Variants in HOXB3 observed in about 807,000 individuals in gnomAD.
The protein encoded by HOXB3 is homeobox protein Hox-B3.
In HOXB3, 17 loss-of-function variants were observed where a neutral mutation model predicts 29.2. The ratio of observed to expected loss-of-function variants is 0.58; its 90% CI spans 0.40 to 0.87. The LOEUF (loss-of-function observed/expected upper bound fraction) is 0.87, where lower values mean the gene tolerates loss of function less well. Ranked by LOEUF, HOXB3 falls within the 40% of genes least tolerant of loss-of-function variation. The pLI is 0.00. For missense variants in HOXB3, 637 were observed against 616.3 expected (o/e 1.03, Z -0.35); for synonymous variants, 317 against 285.9 (o/e 1.11, Z -1.10).
intron 1 of HOXB3, among the ~76,000 whole-genome samples, chr17:48,582,980 C>T (rs1567966144): frequency 6.6e-6 from 1 of 152,228 alleles, no homozygotes; most frequent in Non-Finnish European, 1.5e-5. Context: ...GAGCAAGAGG[C>T]CCCTTCCCTG....
At position 48,552,480 on chromosome 17, in the gene HOXB3, G is replaced by A; in HGVS notation, c.-6C>T. 6.4e-7 allele frequency: 1 copy of A among 1,560,244 alleles called. No homozygotes were observed. Among genetic ancestry groups the A allele is most frequent in the Non-Finnish European group, 8.7e-7 (1 of 1,149,434 alleles). On this transcript the variant is annotated 5_prime_UTR_variant, in exon 4 of 5. Transcript: ENST00000498678. ...TAGTAGGTGGCTTTCTGCATCGCTG[G>A]GTGAGGCCTGGGCAGTGGGTGGCAA... is the stretch of plus-strand genomic sequence containing the variant.
chr17:48,576,467 CT>C (rs890616015), intron 1 of HOXB3: 7 of 386,746 alleles, frequency 1.8e-5, no homozygotes, highest in South Asian at 1.1e-4. Flanking sequence ...TTTTCTTTTT[CT>C]TTTTTTTAAG....
chr17:48,584,791 C>G (rs1216644732), intron 1 of HOXB3, among the ~76,000 whole-genome samples: 3 of 152,134 alleles, frequency 2.0e-5, no homozygotes, highest in Non-Finnish European at 2.9e-5. Flanking sequence ...CTCAGTTTCC[C>G]TTCCCCAGAT....
intron 4 of HOXB3, 129 bp from the exon 5 acceptor site, chr17:48,551,310 C>T: frequency 8.7e-7 from 1 of 1,151,288 alleles, no homozygotes; most frequent in Non-Finnish European, 1.1e-6. Flanking sequence ...CCGCCCTCCC[C>T]TTCGGGTCCC....
Position 48,551,132 on chromosome 17 carries a change from A to T in HOXB3, c.498T>A (p.Gly166=), listed in dbSNP as rs1273070767. 3 of 1,319,712 alleles carry T rather than the reference A, an allele frequency of 2.3e-6. No individual in the cohort carries two copies. Among genetic ancestry groups the T allele is most frequent in the Non-Finnish European group, 2.9e-6 (3 of 1,035,866 alleles). 81.8% of individuals were successfully genotyped at this position (1,319,712 alleles called of 1,614,324 possible). Reference sequence around the variant, plus strand: ...CGCCGCCGCCACCGCCCCCGCTGCCACCACTGCCTCCGCCGCCGCCGCCAC... The same window carrying T: ...CGCCGCCGCCACCGCCCCCGCTGCCTCCACTGCCTCCGCCGCCGCCGCCAC... ...GGGGGGGGGS[G]GSGGGGGGGG... The change falls in exon 5 of 5, where the codon GGT becomes GGA. Residue 166 remains glycine, a synonymous_variant. Coordinates refer to ENST00000498678, the MANE Select transcript of HOXB3 (RefSeq NM_001384749.1).
intron 4 of HOXB3, 38 bp downstream of exon 4, chr17:48,551,989 G>A (rs1430121245): frequency 2.6e-6 from 4 of 1,519,096 alleles, no homozygotes; most frequent in East Asian, 2.3e-5. Context: ...TCCTGGCTCC[G>A]ACAAAAGCTG....
chr17:48,569,831 G>A (rs2069523056), intron 2 of HOXB3, among the ~76,000 whole-genome samples: 1 of 152,208 alleles, frequency 6.6e-6, no homozygotes, highest in Non-Finnish European at 1.5e-5. Context: ...TTACTCTGGA[G>A]CTTCCAGAGT....
At chr17:48,567,091 C>T (rs930175160) in intron 2 of HOXB3, among the ~76,000 whole-genome samples, 1 of 152,220 alleles carries the variant, frequency 6.6e-6, no homozygotes, top group Non-Finnish European at 1.5e-5. Flanking sequence ...CTACCCATCC[C>T]AGCCTTGGGT....
chr17:48,581,570 T>G (rs2069939399), intron 1 of HOXB3: 1 of 142,834 alleles, frequency 7.0e-6, no homozygotes, highest in Non-Finnish European at 1.5e-5. Context: ...ACCCCATACC[T>G]CCTGTCCTTC....
Position 48,554,936 on chromosome 17 carries a change from C to A in HOXB3, c.-159+595G>T. 5 of 591,672 alleles carry A rather than the reference C, an allele frequency of 8.5e-6. No homozygotes were observed. The highest frequency in any genetic ancestry group is 6.5e-5 in the East Asian group (2 of 30,692). The allele number at this position is 591,672 out of a possible 1,614,324, so 36.7% of individuals were successfully genotyped here. Reference sequence around the variant, plus strand: ...GGGGTGGGGAACAACTCTACCAAGCCAAACAGATCTATTTCCCTTGCCTCC... The same window carrying A: ...GGGGTGGGGAACAACTCTACCAAGCAAAACAGATCTATTTCCCTTGCCTCC... On this transcript the variant is annotated intron_variant, in intron 3 of 4. Coordinates refer to ENST00000498678, the MANE Select transcript of HOXB3 (RefSeq NM_001384749.1). This position sits in a 1 kb window ranked among gnomAD's most constrained non-coding sequence, Gnocchi z 4.1.
chr17:48,577,864 C>A (rs764069158), intron 1 of HOXB3: 6 of 1,401,188 alleles, frequency 4.3e-6, no homozygotes, highest in Non-Finnish European at 5.6e-6. Context: ...CGCACTCACC[C>A]GTGCTCACGT....
At chr17:48,556,128 A>G (rs2068979841) in intron 2 of HOXB3, among the ~76,000 whole-genome samples, 1 of 141,622 alleles carries the variant, frequency 7.1e-6, no homozygotes, top group Non-Finnish European at 1.6e-5. Context: ...AAAGAGTAAG[A>G]AGAAAAGAAG....
At chr17:48,555,043 C>T (rs1301522610) in intron 3 of HOXB3, among the ~76,000 whole-genome samples, 1 of 150,114 alleles carries the variant, frequency 6.7e-6, no homozygotes, top group Non-Finnish European at 1.5e-5. Flanking sequence ...CCCAGGGTCT[C>T]GCTGGAGAAG....
chr17:48,567,114 T>C (rs1047453236), intron 2 of HOXB3, among the ~76,000 whole-genome samples: 3 of 152,172 alleles, frequency 2.0e-5, no homozygotes, highest in Non-Finnish European at 4.4e-5. Flanking sequence ...TGGCCTTCTC[T>C]TTCTCCCCAA....
Position 48,552,571 on chromosome 17 carries a change from A to ACCCCCCCCCCC in HOXB3, c.-108_-98dup, listed in dbSNP as rs59742556. 1.8e-5 allele frequency: 9 copies of ACCCCCCCCCCC among 504,636 alleles called. No homozygotes were observed. Among genetic ancestry groups the ACCCCCCCCCCC allele is most frequent in the African/African-American group, 8.1e-5 (2 of 24,692 alleles). 31.3% of individuals were successfully genotyped at this position (504,636 alleles called of 1,614,324 possible). On this transcript the variant is annotated 5_prime_UTR_variant, in exon 4 of 5. The change creates a premature stop within an existing upstream ORF in the 5' untranslated region. Transcript: ENST00000498678. ...CCCTGGGGGTCACGTGACACGCCGG[A>ACCCCCCCCCCC]CCCCCCCCCCCCACCTCCCCTCTCT...
At chr17:48,576,650 T>TGCCCCCA in intron 1 of HOXB3, 1 of 567,770 alleles carries the variant, frequency 1.8e-6, no homozygotes, top group East Asian at 5.2e-5. Context: ...CCCCCTCCTG[T>TGCCCCCA]CCCCCCACCC....
chr17:48,564,786 G>A (rs1038314252), intron 2 of HOXB3, among the ~76,000 whole-genome samples: 2 of 152,232 alleles, frequency 1.3e-5, no homozygotes, highest in African/African-American at 4.8e-5. Flanking sequence ...TTCTGGGCAG[G>A]ACAGGAGTGG....
At chr17:48,576,837 C>T in intron 1 of HOXB3, 1 of 1,614,254 alleles carries the variant, frequency 6.2e-7, no homozygotes, top group Non-Finnish European at 8.5e-7. Context: ...CCACTTCATG[C>T]GCCGGTTCTG....
intron 2 of HOXB3, among the ~76,000 whole-genome samples, chr17:48,565,531 G>GC (rs1397152666): frequency 1.3e-5 from 2 of 152,170 alleles, no homozygotes; most frequent in Non-Finnish European, 2.9e-5. Flanking sequence ...CTTTCTCACA[G>GC]CCCCTTTGTC....
Sources: allele counts gnomAD v4.1 joint callset (sites outside exome capture counted in the v4.1 genomes callset), GRCh38; gene constraint gnomAD v4.1.1; non-coding constraint Gnocchi (gnomAD v3.1); transcripts MANE v1.5; gene names NCBI Gene and HGNC (gene_info 2026-07-23, HGNC 2026-07-21).